MPP7: variants seen among roughly 807,000 people sequenced by gnomAD.
MPP7 encodes MAGUK p55 scaffold protein 7, also known as MAGUK p55 subfamily member 7.
A neutral mutation model predicts 76.5 loss-of-function variants in MPP7; 60 were observed. The observed-to-expected ratio is 0.78, with a 90% CI of 0.64 to 0.97. The LOEUF (loss-of-function observed/expected upper bound fraction) is 0.97. MPP7 is among the 50% of genes least tolerant of loss of function. The pLI is 0.00. For synonymous variants in MPP7, 237 were observed against 244.5 expected (o/e 0.97, Z 0.29); for missense variants, 641 against 694.0 (o/e 0.92, Z 0.86).
intron 1 of MPP7, among the ~76,000 whole-genome samples, chr10:28,243,027 T>C (rs1005418810): frequency 3.3e-5 from 5 of 152,104 alleles, no homozygotes; most frequent in African/African-American, 4.8e-5. Flanking sequence ...AAAAGAACAC[T>C]TGTGCAATGA....
rs1486255870 is a variant in MPP7, at chr10:28,108,953, CT to C, written c.952+10697del. ...TTTGGGGCTGTTCAGTCAATGTTTA[CT>C]TAGGAGGAGGCTGTGGGAATAAGAA... On this transcript the variant is annotated intron_variant, in intron 11 of 16. Transcript: ENST00000683449. Among the ~76,000 whole-genome samples, 3 of 151,906 alleles carry C rather than the reference CT, an allele frequency of 2.0e-5. No homozygotes were observed. The East Asian group carries it at 5.8e-4, about 29-fold the overall frequency.
intron 11 of MPP7, among the ~76,000 whole-genome samples, chr10:28,107,975 T>C (rs1026419427): frequency 6.6e-6 from 1 of 152,246 alleles, no homozygotes; most frequent in Non-Finnish European, 1.5e-5. Context: ...CATCATCCAA[T>C]TCTTACTTAG....
chr10:28,279,336 G>A (rs1039303098), intron 1 of MPP7, among the ~76,000 whole-genome samples: 7 of 152,124 alleles, frequency 4.6e-5, no homozygotes, highest in East Asian at 1.9e-4. Context: ...CGATAGAGAC[G>A]TTCTGCAGGT....
chr10:28,149,743 C>T (rs758076819), intron 4 of MPP7, among the ~76,000 whole-genome samples: 12 of 152,106 alleles, frequency 7.9e-5, no homozygotes, highest in Non-Finnish European at 1.6e-4. Context: ...ATGTCTATTA[C>T]GAAGTTACGA....
intron 5 of MPP7, among the ~76,000 whole-genome samples, chr10:28,141,664 T>C (rs1400213962): frequency 1.3e-5 from 2 of 152,222 alleles, no homozygotes; most frequent in South Asian, 2.1e-4. Context: ...GGCCTGGGAA[T>C]AGACTTAGCA....
chr10:28,152,874 A>G (rs528205255), intron 3 of MPP7, among the ~76,000 whole-genome samples: 2 of 152,304 alleles, frequency 1.3e-5, no homozygotes, highest in South Asian at 2.1e-4. Flanking sequence ...TCTAGCATCA[A>G]TTATTAAGTA....
intron 1 of MPP7, among the ~76,000 whole-genome samples, chr10:28,266,149 G>A (rs1368246096): frequency 1.3e-5 from 2 of 152,004 alleles, no homozygotes; most frequent in South Asian, 2.1e-4. Flanking sequence ...TAGTAGAGAC[G>A]GGTTTTCACC....
intron 2 of MPP7, among the ~76,000 whole-genome samples, chr10:28,211,337 C>T (rs1838127660): frequency 2.6e-5 from 4 of 152,000 alleles, no homozygotes; most frequent in Admixed American, 2.0e-4. Flanking sequence ...GTTCTTGGGG[C>T]TTTAGTAGCC....
chr10:28,095,642 T>G (rs79546972), intron 11 of MPP7, among the ~76,000 whole-genome samples: 1 of 152,154 alleles, frequency 6.6e-6, no homozygotes, highest in Admixed American at 6.5e-5. Context: ...GACCAAAAAA[T>G]GTGACCTTAA....
intron 2 of MPP7, among the ~76,000 whole-genome samples, chr10:28,209,838 T>C (rs766745522): frequency 2.0e-5 from 3 of 152,244 alleles, no homozygotes; most frequent in Non-Finnish European, 4.4e-5. Flanking sequence ...ACATTATTTC[T>C]GGGTATGTCT....
intron 1 of MPP7, among the ~76,000 whole-genome samples, chr10:28,292,176 G>C (rs905193565): frequency 6.6e-6 from 1 of 152,202 alleles, no homozygotes; most frequent in African/African-American, 2.4e-5. Context: ...GGAGCAACGG[G>C]CTATACCATA....
At chr10:28,243,432 T>C (rs764974739) in intron 1 of MPP7, among the ~76,000 whole-genome samples, 2 of 152,034 alleles carry the variant, frequency 1.3e-5, no homozygotes, top group Admixed American at 6.6e-5. Context: ...GTATCAACAT[T>C]GGGAAGATCT....
At position 28,329,096 on chromosome 10, in the gene MPP7, C is replaced by G. The variant is rs982443491; in HGVS notation, c.-132+833G>C. Among the ~76,000 whole-genome samples, 5 of 152,238 alleles carry G rather than the reference C, an allele frequency of 3.3e-5. No individual in the cohort carries two copies. The East Asian group carries it at 5.8e-4, about 18-fold the overall frequency. On this transcript the variant is annotated intron_variant, in intron 2 of 11. Coordinates refer to the MPP7 transcript ENST00000441595. The stretch of plus-strand genomic sequence containing the variant: ...AAACTAATCTATCAAGTCTCCTTGC[C>G]CACCTCCTTGCCTTCAATTGATTGG...
At chr10:28,123,925 C>T (rs1834923878) in intron 8 of MPP7, 106 bp downstream of exon 8, 2 of 746,014 alleles carry the variant, frequency 2.7e-6, no homozygotes, top group South Asian at 1.5e-5. Context: ...TCGAACCCTG[C>T]ACTGCTTAAT....
intron 13 of MPP7, among the ~76,000 whole-genome samples, 194 bp downstream of exon 13, chr10:28,069,578 T>A (rs1418678978): frequency 6.8e-6 from 1 of 146,836 alleles, no homozygotes; most frequent in African/African-American, 2.6e-5. Flanking sequence ...CACTCCAGCC[T>A]GGCAACAGAG....
intron 2 of MPP7, among the ~76,000 whole-genome samples, chr10:28,327,513 A>G (rs540087873): frequency 2.6e-5 from 4 of 152,278 alleles, no homozygotes; most frequent in African/African-American, 9.6e-5. Flanking sequence ...AGAAATAACA[A>G]CTTTTGATTT....
chr10:28,057,694 T>G, intron 15 of MPP7: 1 of 1,251,020 alleles, frequency 8.0e-7, no homozygotes, highest in Admixed American at 2.6e-5. Flanking sequence ...ACTAACACAG[T>G]GCCCAAGTCA....
chr10:28,301,879 T>C (rs1377690724), intron 1 of MPP7, among the ~76,000 whole-genome samples: 1 of 152,154 alleles, frequency 6.6e-6, no homozygotes, highest in East Asian at 1.9e-4. Flanking sequence ...AATTCACTTG[T>C]AAACAAGCAA....
chr10:28,095,104 TCTTA>T (rs1330230330), intron 11 of MPP7, among the ~76,000 whole-genome samples: 1 of 151,680 alleles, frequency 6.6e-6, no homozygotes, highest in African/African-American at 2.4e-5. Context: ...TTTCCTTTGG[TCTTA>T]CTTTTTACTT....
Sources: gnomAD v4.1 joint callset for allele counts (sites outside exome capture counted in the v4.1 genomes callset) on GRCh38, gnomAD v4.1.1 for gene constraint, MANE v1.5 for transcripts, NCBI Gene and HGNC (gene_info 2026-07-23, HGNC 2026-07-21) for gene names.